The following FLG variants were observed in gnomAD, a reference collection of about 807,000 sequenced individuals.
FLG encodes filaggrin.
A neutral mutation model predicts 3.8 loss-of-function variants in FLG; 6 were observed. The observed-to-expected ratio is 1.60, with a 90% CI of 0.87 to 3.15. FLG has a LOEUF of 3.15. Among genes scored for constraint, FLG ranks in the 30% most tolerant of loss-of-function variants. The pLI, the probability that FLG is intolerant of heterozygous loss-of-function variation, is 0.00. For missense variants in FLG, 7,595 were observed against 5,050.9 expected (o/e 1.50, Z -15.27); for synonymous variants, 2,551 against 1,931.6 (o/e 1.32, Z -8.41).
Position 152,313,547 on chromosome 1 carries a change from G to A in FLG, c.1339C>T (p.Gln447Ter), listed in dbSNP as rs763028697. ...VSGHGKAGLR[Q>*]QSHQESTRGR... ...CGTGTGGACTCTTGGTGGCTCTGCT[G>A]TCTCAGCCCAGCCTTTCCGTGGCCT... The change falls in exon 3 of 3, where the codon CAG becomes TAG. Residue 447 changes from glutamine to a stop codon, truncating the protein, a stop_gained. Coordinates refer to ENST00000368799, the MANE Select transcript of FLG (RefSeq NM_002016.2). LOFTEE classifies it low-confidence loss of function (END_TRUNC). 6.2e-7 allele frequency: 1 copy of A among 1,613,722 alleles called. No individual in the cohort carries two copies. The highest frequency in any genetic ancestry group is 8.5e-7 in the Non-Finnish European group (1 of 1,179,890).
rs1289120320 is a variant in FLG, at chr1:152,312,477, A to T, written c.2409T>A (p.Ser803=). The change falls in exon 3 of 3, where the codon TCT becomes TCA. Residue 803 remains serine, a synonymous_variant. Transcript: ENST00000368799. The part of the protein sequence containing the change: ...FLYQVSTHKQ[S]ESSHGWTGPS... ...GCCCTGTCCATCCATGGGAGGACTCAGACTGTTTATGAGTGCTCACCTGGT... is the reference window on the plus strand; with the variant it reads ...GCCCTGTCCATCCATGGGAGGACTCTGACTGTTTATGAGTGCTCACCTGGT... 5.6e-6 allele frequency: 9 copies of T among 1,613,394 alleles called. No individual in the cohort carries two copies. Among genetic ancestry groups the T allele is most frequent in the Non-Finnish European group, 7.6e-6 (9 of 1,179,886 alleles).
In FLG at chr1:152,309,281, G is replaced by A. The variant is rs373471085; in HGVS notation, c.5605C>T (p.Arg1869Cys). 35 of 1,613,384 alleles carry A rather than the reference G, an allele frequency of 2.2e-5. No individual in the cohort carries two copies. The highest frequency in any genetic ancestry group is 3.3e-4 in the Middle Eastern group (2 of 6,084). The change falls in exon 3 of 3, where the codon CGT (arginine) becomes TGT (cysteine). Residue 1869 changes from arginine to cysteine, a missense_variant. Transcript: ENST00000368799. ...CCGTCTCCTGATTGTTTCTCATTAC[G>A]TGTTTGTCTGCTGACACTTCTGGAT... Reference protein sequence around the residue: ...SGSRSVSRQTRNEKQSGDGSR... With the variant: ...SGSRSVSRQTCNEKQSGDGSR...
Position 152,309,622 on chromosome 1 carries a change from G to A in FLG, c.5264C>T (p.Ser1755Leu), listed in dbSNP as rs1204718178. 19 of 1,613,870 alleles carry A rather than the reference G, an allele frequency of 1.2e-5. No individual in the cohort carries two copies. The Admixed American group carries it at 2.2e-4, about 18-fold the overall frequency. Residue 1755 changes from serine to leucine, a missense_variant, in exon 3 of 3, where the codon TCA becomes TTA. By Grantham distance (145) the Ser-to-Leu change is moderately radical (BLOSUM62 -2). Transcript: ENST00000368799. The part of the protein sequence containing the change: ...QSHQESTRGQ[S>L]GERSGRSGSF... ...CCCTGAACGTCCAGACCTTTCCCCT[G>A]ACTGGCCACGTGTGGACTCTTGGTG...
rs761347870 is a variant in FLG, at chr1:152,313,734, A to G, written c.1152T>C (p.His384=). The change falls in exon 3 of 3, where the codon CAT becomes CAC. Residue 384 remains histidine (H), a synonymous_variant. Transcript: ENST00000368799. ...EQARSSPGER[H]GSGHQQSADS... ...CTGCTGACTGCTGGTGGCCGGATCC[A>G]TGTCTTTCTCCTGGACTTGATCTTG... 5.0e-6 allele frequency: 8 copies of G among 1,613,900 alleles called. No individual in the cohort carries two copies. Among genetic ancestry groups the G allele is most frequent in the Admixed American group, 1.7e-5 (1 of 60,010 alleles).
rs1342917957 is a variant in FLG at position 152,304,319 on chromosome 1, G to A, written c.10567C>T (p.Gln3523Ter). The A allele has an allele frequency of 6.2e-7, 1 of 1,610,974 alleles. No individual in the cohort carries two copies. The highest frequency in any genetic ancestry group is 1.7e-5 in the Admixed American group (1 of 59,768). Reference sequence around the variant, plus strand: ...GTCCTGGGCCCCGCTGATTGTCCCTGGCCGGACTGTGAGTGTCTAGAGCTG... The same window carrying A: ...GTCCTGGGCCCCGCTGATTGTCCCTAGCCGGACTGTGAGTGTCTAGAGCTG... ...ADSSRHSQSG[Q>*]GQSAGPRTSR... The change falls in exon 3 of 3, where the codon CAG becomes TAG. Residue 3523 changes from glutamine (Q) to a stop codon, truncating the protein, a stop_gained. Transcript: ENST00000368799. LOFTEE classifies it low-confidence loss of function (END_TRUNC).
rs200294818 is a variant in FLG, at chr1:152,310,237, G to T, written c.4649C>A (p.Ser1550Ter). ...CCCTGAGTGCCTGGAGCCGTCTCCT[G>T]ATTGTTCCTCATTTCTTGTTTGCCT... ...ASRQTRNEEQ[S>*]GDGSRHSGSR... The change falls in exon 3 of 3, where the codon TCA becomes TAA. Residue 1550 changes from serine (S) to a stop codon, truncating the protein, a stop_gained. Transcript: ENST00000368799. LOFTEE classifies it low-confidence loss of function (END_TRUNC). The T allele has an allele frequency of 6.8e-6, 11 of 1,613,834 alleles. No homozygotes were observed. The highest frequency in any genetic ancestry group is 1.3e-5 in the African/African-American group (1 of 74,918).
In FLG at chr1:152,308,757, C is replaced by T; in HGVS notation, c.6129G>A (p.Gln2043=). The change falls in exon 3 of 3, where the codon CAG becomes CAA. Residue 2043 remains glutamine (Q), a synonymous_variant. Transcript: ENST00000368799. ...CTGAATGTCCCTCACTGTCACTGGC[C>T]TGACTACCACTGTACCCTCGGTGTC... ...DSGHRGYSGS[Q]ASDSEGHSED... 1 of 1,614,178 alleles carries T rather than the reference C, an allele frequency of 6.2e-7. No individual in the cohort carries two copies. The highest frequency in any genetic ancestry group is 1.1e-5 in the South Asian group (1 of 91,074).
Position 152,307,508 on chromosome 1 carries a change from C to A in FLG, c.7378G>T (p.Asp2460Tyr). ...GACCCCGGGTGTCCATGAATGGTGTCCTGACCCTCTTGGGACGTTGAGTGC... is the reference window on the plus strand; with the variant it reads ...GACCCCGGGTGTCCATGAATGGTGTACTGACCCTCTTGGGACGTTGAGTGC... The part of the protein sequence containing the change: ...SRHSTSQEGQ[D>Y]TIHGHPGSSS... The change falls in exon 3 of 3, where the codon GAC becomes TAC. Residue 2460 changes from aspartate to tyrosine, a missense_variant. By Grantham distance (160) the Asp-to-Tyr change is radical. Transcript: ENST00000368799. The A allele has an allele frequency of 6.2e-7, 1 of 1,613,552 alleles. No homozygotes were observed. Among genetic ancestry groups the A allele is most frequent in the Non-Finnish European group, 8.5e-7 (1 of 1,179,818 alleles).
chr1:152,313,793 A>C lies in FLG; in HGVS notation c.1093T>G (p.Ser365Ala), dbSNP rs1409159447. Residue 365 changes from serine to alanine, a missense_variant, in exon 3 of 3, where the codon TCT (serine) becomes GCT (alanine). By Grantham distance (99) the Ser-to-Ala change is moderately conservative. Transcript: ENST00000368799. ...TGGGATGATGCAGTCTGTCCACGAG[A>C]GGAAGTCTCTGCGTGACGAGTGCCT... ...QSGTRHAETS[S>A]RGQTASSHEQ... 6.2e-7 allele frequency: 1 copy of C among 1,613,946 alleles called. No individual in the cohort carries two copies. Among genetic ancestry groups the C allele is most frequent in the African/African-American group, 1.3e-5 (1 of 74,890 alleles).
rs1393401596 is a variant in FLG, at chr1:152,309,223, G to C, written c.5663C>G (p.Ala1888Gly). Residue 1888 changes from alanine (A) to glycine (G), a missense_variant, in exon 3 of 3, where the codon GCT becomes GGT. Physicochemically the swap from Ala to Gly is moderately conservative, Grantham distance 60. Coordinates refer to ENST00000368799, the MANE Select transcript of FLG (RefSeq NM_002016.2). Reference protein sequence around the residue: ...SRHSGSRHHEASSRADSSRHS... With the variant: ...SRHSGSRHHEGSSRADSSRHS... ...TCTAGAGCTGTCGGCCCGAGAGGAA[G>C]CTTCATGGTGACGCGACCCTGAGTG... 6.2e-7 allele frequency: 1 copy of C among 1,613,550 alleles called. No individual in the cohort carries two copies. The highest frequency in any genetic ancestry group is 1.7e-5 in the Admixed American group (1 of 59,924).
chr1:152,308,960 G>A lies in FLG; in HGVS notation c.5926C>T (p.Gln1976Ter), dbSNP rs202161890. The A allele has an allele frequency of 3.1e-6, 5 of 1,614,216 alleles. No homozygotes were observed. The highest frequency in any genetic ancestry group is 2.2e-5 in the East Asian group (1 of 44,882). Residue 1976 changes from glutamine to a stop codon, truncating the protein, a stop_gained, in exon 3 of 3, where the codon CAA (glutamine) becomes TAA (stop). Transcript: ENST00000368799. LOFTEE classifies it low-confidence loss of function (END_TRUNC). The stretch of plus-strand genomic sequence containing the variant: ...GACTCTGTGTGACGAGTGCCTGATT[G>A]TCTGGAGCTGTCTGCAGAGTGCCCG... Reference protein sequence around the residue: ...GHGHSADSSRQSGTRHTESSS... With the variant: ...GHGHSADSSR
chr1:152,309,449 T>C lies in FLG; in HGVS notation c.5437A>G (p.Ile1813Val). The C allele has an allele frequency of 1.2e-6, 2 of 1,613,066 alleles. No homozygotes were observed. Among genetic ancestry groups the C allele is most frequent in the Non-Finnish European group, 1.7e-6 (2 of 1,179,832 alleles). Residue 1813 changes from isoleucine to valine, a missense_variant, in exon 3 of 3, where the codon ATT becomes GTT. By Grantham distance (29) the Ile-to-Val change is conservative (BLOSUM62 3). Transcript: ENST00000368799. ...HSASQEGQDT[I>V]RGHPGSSRGG... ...CTGCTTGACCCTGGGTGTCCACGAA[T>C]GGTGTCCTGACCCTCTTGGGACGCT...
Position 152,304,111 on chromosome 1 carries a change from G to T in FLG, c.10775C>A (p.Ala3592Glu). The T allele has an allele frequency of 4.4e-6, 7 of 1,595,286 alleles. No individual in the cohort carries two copies. The highest frequency in any genetic ancestry group is 6.0e-6 in the Non-Finnish European group (7 of 1,171,388). ...HEDRAGHGHS[A>E]ESSRQSGTHH... ...AGTGCCTGATTGTCTGGAGCTCTCT[G>T]CAGAGTGCCCGTGACCGGCTCTGTC... Residue 3592 changes from alanine to glutamate, a missense_variant, in exon 3 of 3, where the codon GCA becomes GAA. By Grantham distance (107) the Ala-to-Glu change is moderately radical. Coordinates refer to ENST00000368799, the MANE Select transcript of FLG (RefSeq NM_002016.2).
At position 152,309,835 on chromosome 1, in the gene FLG, C is replaced by T. The variant is rs12407807; in HGVS notation, c.5051G>A (p.Arg1684His). 279,625 of 1,613,794 alleles carry T rather than the reference C, an allele frequency of 0.17. 33,567 individuals carry two copies. Among genetic ancestry groups the T allele is most frequent in the East Asian group, 0.56 (25,205 of 44,828 alleles). The change falls in exon 3 of 3, where the codon CGC (arginine) becomes CAC (histidine). Residue 1684 changes from arginine to histidine, a missense_variant. Arg to His is a conservative substitution (Grantham distance 29). Coordinates refer to ENST00000368799, the MANE Select transcript of FLG (RefSeq NM_002016.2). The part of the protein sequence containing the change: ...RSSPGERHGS[R>H]HQQSADSSTD... ...GGAGCTGTCTGCTGACTGCTGGTGG[C>T]GGGATCCATGTCTTTCTCCTGGACT... is the stretch of plus-strand genomic sequence containing the variant.
At position 152,311,211 on chromosome 1, in the gene FLG, T is replaced by C. The variant is rs754163748; in HGVS notation, c.3675A>G (p.Gln1225=). 1.9e-6 allele frequency: 3 copies of C among 1,612,922 alleles called. No individual in the cohort carries two copies. The highest frequency in any genetic ancestry group is 3.3e-5 in the Admixed American group (2 of 59,898). Residue 1225 remains glutamine (Q), a synonymous_variant, in exon 3 of 3, where the codon CAA becomes CAG. Coordinates refer to ENST00000368799, the MANE Select transcript of FLG (RefSeq NM_002016.2). Reference sequence around the variant, plus strand: ...CTGAGTGCCTGGAGCCGTCTCCTGATTGTTTGTCCTTACGAGTTTGTCTGC... The same window carrying C: ...CTGAGTGCCTGGAGCCGTCTCCTGACTGTTTGTCCTTACGAGTTTGTCTGC... ...SASRQTRKDK[Q]SGDGSRHSGS...
At position 152,314,000 on chromosome 1, in the gene FLG, T is replaced by C. The variant is rs111258905; in HGVS notation, c.886A>G (p.Arg296Gly). The C allele has an allele frequency of 4.0e-5, 64 of 1,614,260 alleles. 2 individuals are homozygous for C. The South Asian group carries it at 5.6e-4, about 14-fold the overall frequency. The change falls in exon 3 of 3, where the codon AGA (arginine) becomes GGA (glycine). Residue 296 changes from arginine (R) to glycine (G), a missense_variant. Physicochemically the swap from Arg to Gly is moderately radical, Grantham distance 125. Coordinates refer to ENST00000368799, the MANE Select transcript of FLG (RefSeq NM_002016.2). ...ESRTRKRRGSRVSQDRDSEGH... is the reference protein window; with the variant it reads ...ESRTRKRRGSGVSQDRDSEGH... ...TCACTGTCCCTGTCCTGGCTAACTC[T>C]GGATCCCCTACGCTTTCTTGTCCTG...
chr1:152,321,885 T>G (rs1652989898), intron 1 of FLG, among the ~76,000 whole-genome samples: 2 of 151,208 alleles, frequency 1.3e-5, no homozygotes, highest in South Asian at 4.1e-4. Context: ...TTCATATAGA[T>G]GCAAAACTCT....
rs112719204 is a variant in FLG, at chr1:152,306,155, C to A, written c.8731G>T (p.Ala2911Ser). 2 of 1,601,332 alleles carry A rather than the reference C, an allele frequency of 1.2e-6. No homozygotes were observed. Among genetic ancestry groups the A allele is most frequent in the South Asian group, 1.1e-5 (1 of 91,072 alleles). ...SEDSERWSGS[A>S]SRNHHGSAQE... ...GCAGATCCATGATGGTTTCTGGAAGCAGACCCAGACCACCTCTCAGAGTCT... is the reference window on the plus strand; with the variant it reads ...GCAGATCCATGATGGTTTCTGGAAGAAGACCCAGACCACCTCTCAGAGTCT... The change falls in exon 3 of 3, where the codon GCT becomes TCT. Residue 2911 changes from alanine (A) to serine (S), a missense_variant. By Grantham distance (99) the Ala-to-Ser change is moderately conservative (BLOSUM62 1). Transcript: ENST00000368799.
intron 1 of FLG, among the ~76,000 whole-genome samples, chr1:152,317,668 G>A (rs1201642243): frequency 1.3e-5 from 2 of 151,830 alleles, no homozygotes; most frequent in African/African-American, 2.4e-5. Flanking sequence ...ATCTCATCTA[G>A]TTCTATATAA....
Sources: allele counts gnomAD v4.1 joint callset (sites outside exome capture counted in the v4.1 genomes callset), GRCh38; gene constraint gnomAD v4.1.1; transcripts MANE v1.5; gene names NCBI Gene and HGNC (gene_info 2026-07-23, HGNC 2026-07-21).